Variants in POU3F3 observed in about 807,000 individuals in gnomAD.
POU3F3 encodes the protein POU class 3 homeobox 3.
In POU3F3, 1 loss-of-function variant was observed where a neutral mutation model predicts 8.6. The observed-to-expected ratio is 0.12, with a 90% confidence interval of 0.04 to 0.55. POU3F3 has a LOEUF of 0.55. POU3F3 is among the 20% of genes least tolerant of loss of function. The pLI is 0.91. For synonymous variants in POU3F3, 418 were observed against 327.4 expected, an observed-to-expected ratio of 1.28 and a Z score of -2.99; for missense variants, 577 against 690.7, an observed-to-expected ratio of 0.84 and a Z score of 1.84.
At chr2:104,926,295 G>A in the POU3F3 span, among the ~76,000 whole-genome samples, 1 of 152,084 alleles carries the variant, frequency 6.6e-6, no homozygotes, top group Non-Finnish European at 1.5e-5. Context: ...GTGGGTGAAG[G>A]ATATGAACAG....
the POU3F3 span, among the ~76,000 whole-genome samples, chr2:104,878,425 G>C: frequency 4.6e-5 from 7 of 152,092 alleles, no homozygotes; most frequent in Non-Finnish European, 1.0e-4. Flanking sequence ...CTACCTGCAC[G>C]TACTACAGTA....
chr2:104,924,727 T>C, the POU3F3 span, among the ~76,000 whole-genome samples: 4 of 152,224 alleles, frequency 2.6e-5, no homozygotes, highest in Admixed American at 2.6e-4. Context: ...TTTTTCTGAA[T>C]TGATTTTATT....
At chr2:104,884,861 G>C in the POU3F3 span, among the ~76,000 whole-genome samples, 16 of 152,172 alleles carry the variant, frequency 1.1e-4, no homozygotes, top group Non-Finnish European at 1.9e-4. Context: ...GACAAATAAG[G>C]AGAGAAGGAG....
rs1180062472 is a variant in POU3F3, at chr2:104,857,064, G to A, written c.*51G>A. On this transcript the variant is annotated 3_prime_UTR_variant, in exon 1 of 1. Transcript: ENST00000361360. ...CGCCGCCGCCGCCGCCTCCGCAGCC[G>A]CCGTCAGCACCGCCGCCGCCCCTGC... The A allele has an allele frequency of 3.7e-6, 5 of 1,340,170 alleles. No individual in the cohort carries two copies. In the African/African-American group the frequency reaches 6.0e-5, roughly 16 times the overall value. The allele number at this position is 1,340,170 out of a possible 1,614,324, so 83.0% of individuals were successfully genotyped here. A position where few individuals can be genotyped will look rare whatever the true frequency, so the allele number is the denominator to read the frequency against.
the POU3F3 span, among the ~76,000 whole-genome samples, chr2:104,894,557 G>A: frequency 1.3e-5 from 2 of 152,162 alleles, no homozygotes; most frequent in African/African-American, 4.8e-5. Context: ...TCCACCATGG[G>A]GTGAGGAAAG....
rs1263148269 is a variant in POU3F3, at chr2:104,855,423, G to A, written c.-88G>A. On this transcript the variant is annotated 5_prime_UTR_variant, in exon 1 of 1. Transcript: ENST00000361360. ...GGAGGAGGCGGGAGGCGGGGGGCGC[G>A]GCGGCGGCGGCGGCGGCGGCGGCCG... 2.5e-6 allele frequency: 1 copy of A among 399,112 alleles called. No individual in the cohort carries two copies. The highest frequency in any genetic ancestry group is 3.3e-6 in the Non-Finnish European group (1 of 303,062). 24.7% of individuals were successfully genotyped at this position (399,112 alleles called of 1,614,324 possible). A position where few individuals can be genotyped will look rare whatever the true frequency, so the allele number is the denominator to read the frequency against.
chr2:104,866,297 G>C, the POU3F3 span: 1 of 152,188 alleles, frequency 6.6e-6, no homozygotes, highest in African/African-American at 2.4e-5. Flanking sequence ...GGTGAGGAGG[G>C]GCGGCCGAGG....
the POU3F3 span, among the ~76,000 whole-genome samples, chr2:104,922,388 T>A: frequency 1.1e-5 from 1 of 93,744 alleles, no homozygotes; most frequent in Non-Finnish European, 2.0e-5. Context: ...TTCTTGAAGA[T>A]GCTCAAAAAA....
At chr2:104,866,102 C>T in the POU3F3 span, 2 of 152,198 alleles carry the variant, frequency 1.3e-5, no homozygotes, top group Admixed American at 1.3e-4. Flanking sequence ...GCTTTAAAAA[C>T]GTTTCACTCC....
the POU3F3 span, among the ~76,000 whole-genome samples, chr2:104,912,780 G>A: frequency 1.6e-4 from 25 of 152,316 alleles, no homozygotes; most frequent in African/African-American, 6.0e-4. Flanking sequence ...GCAGTGAGCA[G>A]CCCCGTGTGA....
chr2:104,872,527 C>T, the POU3F3 span: 1 of 335,300 alleles, frequency 3.0e-6, no homozygotes, highest in Non-Finnish European at 5.9e-6. This position sits in a 1 kb window ranked among gnomAD's most constrained non-coding sequence, Gnocchi z 4.6. Context: ...TTACCCTTTC[C>T]TCCCGCTAAC....
chr2:104,864,734 A>T, the POU3F3 span, among the ~76,000 whole-genome samples: 1 of 152,218 alleles, frequency 6.6e-6, no homozygotes, highest in African/African-American at 2.4e-5. Flanking sequence ...AGTTTACCTG[A>T]TCTTTGAAAA....
At chr2:104,886,021 T>C in the POU3F3 span, among the ~76,000 whole-genome samples, 1 of 152,126 alleles carries the variant, frequency 6.6e-6, no homozygotes, top group Non-Finnish European at 1.5e-5. Flanking sequence ...GGTCTCGAAC[T>C]CCTGACCTCA....
chr2:104,870,618 C>T, the POU3F3 span, among the ~76,000 whole-genome samples: 1 of 152,208 alleles, frequency 6.6e-6, no homozygotes, highest in Non-Finnish European at 1.5e-5. Flanking sequence ...AGATGACCTA[C>T]ATCAAGATGA....
At chr2:104,917,101 T>A in the POU3F3 span, among the ~76,000 whole-genome samples, 1 of 152,158 alleles carries the variant, frequency 6.6e-6, no homozygotes, top group Non-Finnish European at 1.5e-5. Context: ...GCCTTCAGGC[T>A]CAAACCAGAA....
the POU3F3 span, among the ~76,000 whole-genome samples, chr2:104,880,391 G>A: frequency 1.3e-5 from 2 of 152,278 alleles, no homozygotes; most frequent in East Asian, 3.9e-4. Context: ...ACAAAGATGA[G>A]CTCAGCTGGG....
the POU3F3 span, among the ~76,000 whole-genome samples, chr2:104,924,441 T>C: frequency 6.6e-6 from 1 of 152,178 alleles, no homozygotes; most frequent in Admixed American, 6.5e-5. Flanking sequence ...AATTGGTTAT[T>C]TAAGGTTATG....
chr2:104,906,836 G>A, the POU3F3 span, among the ~76,000 whole-genome samples: 659 of 152,192 alleles, frequency 4.3e-3, 5 homozygotes, highest in African/African-American at 0.015. Context: ...CAGTCTGATA[G>A]CAAGTACTGG....
At chr2:104,864,578 A>G in the POU3F3 span, among the ~76,000 whole-genome samples, 6 of 152,226 alleles carry the variant, frequency 3.9e-5, no homozygotes, top group African/African-American at 1.4e-4. Context: ...ACAGGGAGCC[A>G]TTTATTTACA....
Sources: gnomAD v4.1 joint callset for allele counts (sites outside exome capture counted in the v4.1 genomes callset) on GRCh38, gnomAD v4.1.1 for gene constraint, Gnocchi (gnomAD v3.1) non-coding constraint, MANE v1.5 for transcripts, NCBI Gene and HGNC (gene_info 2026-07-23, HGNC 2026-07-21) for gene names.